The following CDH12 variants were observed in gnomAD, a reference collection of about 807,000 sequenced individuals.
CDH12 encodes cadherin 12, also known as cadherin-12.
In CDH12, 41 loss-of-function variants were observed where a neutral mutation model predicts 74.1. The observed-to-expected ratio is 0.55, with a 90% CI of 0.43 to 0.72. CDH12 has a LOEUF of 0.72. Ranked by LOEUF, CDH12 falls within the 30% of genes least tolerant of loss-of-function variation. The probability of loss-of-function intolerance (pLI) is 0.00; values close to 1 mark genes in which losing one functional copy is unlikely to be tolerated. For missense variants in CDH12, 945 were observed against 977.2 expected (o/e 0.97, Z 0.44); for synonymous variants, 399 against 355.0 (o/e 1.12, Z -1.39).
At chr5:22,464,939 C>G (rs1031556069) in intron 2 of CDH12, among the ~76,000 whole-genome samples, 1 of 149,556 alleles carries the variant, frequency 6.7e-6, no homozygotes, top group African/African-American at 2.5e-5. Context: ...GAGGCGGAGG[C>G]TGCAGTGAGC....
At chr5:22,399,638 T>C (rs991004634) in intron 3 of CDH12, among the ~76,000 whole-genome samples, 8 of 152,102 alleles carry the variant, frequency 5.3e-5, no homozygotes, top group Non-Finnish European at 1.2e-4. Context: ...ATCCAGCCAC[T>C]AACAGATGGT....
chr5:21,786,446 C>A (rs1465204618), intron 10 of CDH12, among the ~76,000 whole-genome samples: 1 of 152,082 alleles, frequency 6.6e-6, no homozygotes, highest in Admixed American at 6.6e-5. Flanking sequence ...GCCACCACAC[C>A]CAGCTGGTTT....
chr5:22,470,072 G>A (rs1745894686), intron 2 of CDH12, among the ~76,000 whole-genome samples: 1 of 152,322 alleles, frequency 6.6e-6, no homozygotes, highest in South Asian at 2.1e-4. Context: ...AAGATGAAGA[G>A]CAGCCTTCTG....
At chr5:22,659,498 C>T (rs1740234833) in intron 1 of CDH12, among the ~76,000 whole-genome samples, 1 of 152,044 alleles carries the variant, frequency 6.6e-6, no homozygotes, top group Admixed American at 6.6e-5. Flanking sequence ...ATGAATCACT[C>T]AGCTAGAATC....
At chr5:22,828,064 G>A (rs1428983598) in intron 1 of CDH12, among the ~76,000 whole-genome samples, 1 of 152,080 alleles carries the variant, frequency 6.6e-6, no homozygotes, top group Non-Finnish European at 1.5e-5. Flanking sequence ...ACCGCATTTG[G>A]ATTATACGGT....
At chr5:22,715,368 C>T (rs1743518962) in intron 1 of CDH12, among the ~76,000 whole-genome samples, 1 of 152,192 alleles carries the variant, frequency 6.6e-6, no homozygotes, top group African/African-American at 2.4e-5. Context: ...GCATCTGCCT[C>T]TTTAATAAAA....
At chr5:21,838,505 A>T (rs1385438730) in intron 8 of CDH12, among the ~76,000 whole-genome samples, 1 of 152,200 alleles carries the variant, frequency 6.6e-6, no homozygotes, top group East Asian at 1.9e-4. Flanking sequence ...GGTGGCAGTG[A>T]GCCGAGATCA....
At chr5:22,038,604 C>T (rs765901074) in intron 5 of CDH12, among the ~76,000 whole-genome samples, 2 of 152,174 alleles carry the variant, frequency 1.3e-5, no homozygotes, top group Non-Finnish European at 2.9e-5. Context: ...TGGTTGTTTG[C>T]CAAAGTCACT....
intron 2 of CDH12, among the ~76,000 whole-genome samples, chr5:22,458,279 C>A (rs1359526056): frequency 6.6e-6 from 1 of 152,096 alleles, no homozygotes; most frequent in East Asian, 1.9e-4. Context: ...TGTCACATGA[C>A]CACCTTATTT....
intron 1 of CDH12, among the ~76,000 whole-genome samples, chr5:22,766,173 T>A (rs1746505562): frequency 6.6e-6 from 1 of 152,038 alleles, no homozygotes; most frequent in Non-Finnish European, 1.5e-5. Context: ...ATTGTGAGAA[T>A]GTAAATTGGA....
intron 5 of CDH12, among the ~76,000 whole-genome samples, chr5:22,035,418 T>G (rs543921918): frequency 6.6e-6 from 1 of 152,154 alleles, no homozygotes; most frequent in East Asian, 1.9e-4. Flanking sequence ...GTCATAATGT[T>G]AACTACCGGC....
chr5:22,495,760 T>A (rs529210650), intron 2 of CDH12, among the ~76,000 whole-genome samples: 11 of 43,488 alleles, frequency 2.5e-4, no homozygotes, highest in Admixed American at 3.8e-4. Context: ...TGCAGTGAAA[T>A]CTATGAGAAG....
At chr5:22,339,868 A>G (rs1450025842) in intron 3 of CDH12, among the ~76,000 whole-genome samples, 1 of 152,208 alleles carries the variant, frequency 6.6e-6, no homozygotes. Flanking sequence ...ATATATACAT[A>G]GAAAATTGTT....
At chr5:22,648,112 A>G (rs1440538231) in intron 1 of CDH12, among the ~76,000 whole-genome samples, 2 of 151,860 alleles carry the variant, frequency 1.3e-5, no homozygotes, top group Non-Finnish European at 2.9e-5. Flanking sequence ...CCAACCTTAC[A>G]TATATACAGA....
At chr5:22,266,333 A>G (rs1266258545) in intron 3 of CDH12, among the ~76,000 whole-genome samples, 4 of 152,018 alleles carry the variant, frequency 2.6e-5, no homozygotes, top group Non-Finnish European at 5.9e-5. Context: ...TCGGCCTCCC[A>G]AAGTACTGGG....
intron 3 of CDH12, among the ~76,000 whole-genome samples, chr5:22,394,219 GA>G (rs1375861021): frequency 6.6e-6 from 1 of 152,024 alleles, no homozygotes; most frequent in African/African-American, 2.4e-5. Flanking sequence ...TCTGAGAATA[GA>G]AATGGTATTA....
chr5:22,834,521 G>T (rs1358474652), intron 1 of CDH12, among the ~76,000 whole-genome samples: 1 of 152,056 alleles, frequency 6.6e-6, no homozygotes, highest in Non-Finnish European at 1.5e-5. Flanking sequence ...TAGTTTAAAA[G>T]CTCTCTTTTT....
At chr5:22,358,504 G>GTT (rs1311062653) in intron 3 of CDH12, among the ~76,000 whole-genome samples, 1 of 152,130 alleles carries the variant, frequency 6.6e-6, no homozygotes, top group Non-Finnish European at 1.5e-5. Context: ...TCTGTTCTGT[G>GTT]TTTAACACTT....
chr5:22,506,469 A>G (rs1021955558), intron 1 of CDH12, among the ~76,000 whole-genome samples: 14 of 152,130 alleles, frequency 9.2e-5, no homozygotes, highest in African/African-American at 3.4e-4. Flanking sequence ...ATTAGCCTCT[A>G]TGTCTTTTTT....
Sources: allele counts gnomAD v4.1 joint callset (sites outside exome capture counted in the v4.1 genomes callset), GRCh38; gene constraint gnomAD v4.1.1; transcripts MANE v1.5; gene names NCBI Gene and HGNC (gene_info 2026-07-23, HGNC 2026-07-21).